ZCCHC4: variants seen among roughly 807,000 people sequenced by gnomAD.
The protein encoded by ZCCHC4 is rRNA N(6)-adenosine-methyltransferase ZCCHC4.
A neutral mutation model predicts 67.7 loss-of-function variants in ZCCHC4; 54 were observed. That is an observed-to-expected ratio of 0.80 (90% confidence interval 0.64 to 1.00). ZCCHC4 has a LOEUF of 1.00. Among genes scored for constraint, ZCCHC4 ranks in the 50% least tolerant of loss-of-function variants. The probability of loss-of-function intolerance (pLI) is 0.00; values close to 1 mark genes in which losing one functional copy is unlikely to be tolerated. For missense variants in ZCCHC4, 609 were observed against 617.0 expected, an observed-to-expected ratio of 0.99 and a Z score of 0.14; for synonymous variants, 198 against 213.5, an observed-to-expected ratio of 0.93 and a Z score of 0.63.
At position 25,315,486 on chromosome 4, in the gene ZCCHC4, CATTT is replaced by C. The variant is rs1488646689; in HGVS notation, c.329+95_329+98del. ...TTTTCTGTGCCTTTAAGTTTACTTT[CATTT>C]ATTTATTTTTATTGTAGTTACATAT... On this transcript the variant is annotated intron_variant, in intron 3 of 12. Transcript: ENST00000302874. The C allele has an allele frequency of 9.8e-6, 10 of 1,019,044 alleles. No individual in the cohort carries two copies. The Admixed American group carries it at 1.6e-4, about 17-fold the overall frequency. The allele number at this position is 1,019,044 out of a possible 1,614,324, so 63.1% of individuals were successfully genotyped here.
intron 3 of ZCCHC4, among the ~76,000 whole-genome samples, chr4:25,332,124 A>G (rs1719213721): frequency 1.3e-5 from 2 of 152,152 alleles, no homozygotes; most frequent in Admixed American, 6.5e-5. Context: ...CCTGGCCAAC[A>G]TGGTGAAACC....
chr4:25,369,268 C>T lies in ZCCHC4; in HGVS notation c.*104C>T, dbSNP rs57480153. Reference sequence around the variant, plus strand: ...AAATTCAGCTGCTTCCAGAGGTGTGCACCTTTCTGAGCTAGATAACAGGCA... The same window carrying T: ...AAATTCAGCTGCTTCCAGAGGTGTGTACCTTTCTGAGCTAGATAACAGGCA... On this transcript the variant is annotated 3_prime_UTR_variant, in exon 13 of 13. Coordinates refer to ENST00000302874, the MANE Select transcript of ZCCHC4 (RefSeq NM_024936.3). 2.9e-3 allele frequency: 4,326 copies of T among 1,510,824 alleles called. 84 individuals carry two copies. The African/African-American group carries it at 0.046, about 16-fold the overall frequency. The allele number at this position is 1,510,824 out of a possible 1,614,324, so 93.6% of individuals were successfully genotyped here.
intron 10 of ZCCHC4, 96 bp from the exon 11 acceptor site, chr4:25,364,358 C>A: frequency 1.0e-6 from 1 of 955,250 alleles, no homozygotes; most frequent in Non-Finnish European, 1.5e-6. Flanking sequence ...GAATAATTTA[C>A]ACAGATTTTA....
chr4:25,327,785 G>A (rs942048331), intron 3 of ZCCHC4, among the ~76,000 whole-genome samples: 1 of 152,118 alleles, frequency 6.6e-6, no homozygotes, highest in Non-Finnish European at 1.5e-5. Context: ...CCCAGCCTGA[G>A]AATCTTTATC....
At chr4:25,315,488 TTTA>T (rs1718210711) in intron 3 of ZCCHC4, 88 bp downstream of exon 3, 2 of 940,250 alleles carry the variant, frequency 2.1e-6, no homozygotes, top group South Asian at 4.5e-5. Context: ...TTTACTTTCA[TTTA>T]TTTATTTTTA....
chr4:25,319,134 A>G (rs1342581507), intron 3 of ZCCHC4, among the ~76,000 whole-genome samples: 7 of 152,226 alleles, frequency 4.6e-5, no homozygotes, highest in Admixed American at 2.0e-4. Flanking sequence ...CTGTAATCCC[A>G]GCACTTTGGG....
chr4:25,328,289 G>C (rs1263929835), intron 3 of ZCCHC4, among the ~76,000 whole-genome samples: 1 of 151,940 alleles, frequency 6.6e-6, no homozygotes, highest in Non-Finnish European at 1.5e-5. Context: ...TCCCAGGCTG[G>C]AGTGCAGTGG....
chr4:25,346,273 C>T (rs559732691), intron 6 of ZCCHC4, among the ~76,000 whole-genome samples: 1 of 151,966 alleles, frequency 6.6e-6, no homozygotes, highest in Middle Eastern at 3.4e-3. Flanking sequence ...AAAAAAGCTT[C>T]TTTCAATTTG....
chr4:25,325,275 T>C (rs1324165309), intron 3 of ZCCHC4, among the ~76,000 whole-genome samples: 4 of 148,148 alleles, frequency 2.7e-5, no homozygotes, highest in Non-Finnish European at 6.0e-5. Flanking sequence ...AAATATTTTC[T>C]GCCATTCTTG....
intron 2 of ZCCHC4, 145 bp from the exon 3 acceptor site, chr4:25,315,173 G>A: frequency 1.6e-6 from 1 of 631,702 alleles, no homozygotes; most frequent in South Asian, 2.6e-5. Flanking sequence ...AATTTTCCCA[G>A]TTTTCGCTGT....
chr4:25,360,084 G>C (rs1720665550), intron 8 of ZCCHC4, among the ~76,000 whole-genome samples: 1 of 152,232 alleles, frequency 6.6e-6, no homozygotes. Flanking sequence ...TTCTTTTCCA[G>C]AGAGCCAGGA....
At position 25,352,340 on chromosome 4, in the gene ZCCHC4, A is replaced by G. The variant is rs79903936; in HGVS notation, c.1011+651A>G. On this transcript the variant is annotated intron_variant, in intron 8 of 12. Coordinates refer to ENST00000302874, the MANE Select transcript of ZCCHC4 (RefSeq NM_024936.3). ...TCTGCTTTAAACTCCACTTTCCTGT[A>G]TTTTCTTCCCTTGTGTTTGAAGTTA... The G allele has an allele frequency of 1.4e-3, 1,381 of 984,404 alleles. 11 individuals carry two copies. In the African/African-American group the frequency reaches 0.022, roughly 15 times the overall value. The allele number at this position is 984,404 out of a possible 1,614,324, so 61.0% of individuals were successfully genotyped here.
chr4:25,324,436 G>C (rs1020790283), intron 3 of ZCCHC4, among the ~76,000 whole-genome samples: 1 of 152,124 alleles, frequency 6.6e-6, no homozygotes, highest in Admixed American at 6.5e-5. Context: ...ATGTTCCACT[G>C]TATGGATATT....
chr4:25,354,418 GA>G (rs200620104), intron 8 of ZCCHC4, among the ~76,000 whole-genome samples: 1,585 of 151,836 alleles, frequency 0.01, 37 homozygotes, highest in African/African-American at 0.035. Context: ...CAACCTTTGG[GA>G]AAAAAAATGA....
At chr4:25,313,052 G>C in intron 1 of ZCCHC4, 116 bp downstream of exon 1, 1 of 1,428,956 alleles carries the variant, frequency 7.0e-7, no homozygotes, top group Non-Finnish European at 9.4e-7. Context: ...CCAGTGTGCT[G>C]CCTAGAAAAT....
chr4:25,316,571 AATG>A (rs1192984211), intron 3 of ZCCHC4, among the ~76,000 whole-genome samples: 1 of 152,222 alleles, frequency 6.6e-6, no homozygotes, highest in East Asian at 1.9e-4. Context: ...TCAAATTACT[AATG>A]ATGTGAATCA....
chr4:25,316,771 G>A lies in ZCCHC4; in HGVS notation c.329+1371G>A, dbSNP rs73254140. ...TCTCCTATTCTGTAGGTTGTCTTTTGACTTTCTTGATGTCCTTTGAAACAC... is the reference window on the plus strand; with the variant it reads ...TCTCCTATTCTGTAGGTTGTCTTTTAACTTTCTTGATGTCCTTTGAAACAC... On this transcript the variant is annotated intron_variant, in intron 3 of 12. Coordinates refer to ENST00000302874, the MANE Select transcript of ZCCHC4 (RefSeq NM_024936.3). Among the ~76,000 whole-genome samples, 41 of 152,002 alleles carry A rather than the reference G, an allele frequency of 2.7e-4. 1 individual carries two copies.
chr4:25,366,397 G>A (rs1490716658), intron 12 of ZCCHC4: 7 of 482,146 alleles, frequency 1.5e-5, no homozygotes. Context: ...CTCACTGTAA[G>A]CTCCGCCTCC....
intron 3 of ZCCHC4, among the ~76,000 whole-genome samples, chr4:25,322,705 A>T (rs1718647308): frequency 6.6e-6 from 1 of 152,004 alleles, no homozygotes; most frequent in African/African-American, 2.4e-5. Flanking sequence ...TTTAGTAGAG[A>T]TGGGGTTTTG....
Sources: gnomAD v4.1 joint callset for allele counts (sites outside exome capture counted in the v4.1 genomes callset) on GRCh38, gnomAD v4.1.1 for gene constraint, MANE v1.5 for transcripts, NCBI Gene and HGNC (gene_info 2026-07-23, HGNC 2026-07-21) for gene names.